Variants in SCNN1B observed in about 807,000 individuals in gnomAD.
SCNN1B encodes sodium channel epithelial 1 subunit beta.
A neutral mutation model predicts 65.3 loss-of-function variants in SCNN1B; 46 were observed. That is an observed-to-expected ratio of 0.70 (90% CI 0.56 to 0.90). The LOEUF (loss-of-function observed/expected upper bound fraction) is 0.90. Among genes scored for constraint, SCNN1B ranks in the 40% least tolerant of loss-of-function variants. The pLI is 0.00. For missense variants in SCNN1B, 751 were observed against 830.5 expected (o/e 0.90, Z 1.18); for synonymous variants, 349 against 330.6 (o/e 1.06, Z -0.60).
intron 1 of SCNN1B, among the ~76,000 whole-genome samples, chr16:23,278,785 A>G (rs1295289502): frequency 6.6e-6 from 1 of 151,902 alleles, no homozygotes; most frequent in Admixed American, 6.6e-5. Flanking sequence ...TACAAAAAAT[A>G]AAAAATTAGC....
In SCNN1B at chr16:23,371,809, C is replaced by T. The variant is rs1308460068; in HGVS notation, c.1078C>T (p.Pro360Ser). The T allele has an allele frequency of 1.2e-6, 2 of 1,614,096 alleles. No homozygotes were observed. Among genetic ancestry groups the T allele is most frequent in the Non-Finnish European group, 1.7e-6 (2 of 1,180,010 alleles). Residue 360 changes from proline (P) to serine (S), a missense_variant, in exon 7 of 13, where the codon CCG becomes TCG. Coordinates refer to ENST00000343070, the MANE Select transcript of SCNN1B (RefSeq NM_000336.3). ...TCAGCGCATGGGGGAGCCCTACAGC[C>T]CGTGCACCGTGAATGGTTCTGAGGT... ...KLQRMGEPYS[P>S]CTVNGSEVPV...
intron 1 of SCNN1B, among the ~76,000 whole-genome samples, chr16:23,318,600 C>T (rs928351070): frequency 6.6e-6 from 1 of 152,204 alleles, no homozygotes; most frequent in African/African-American, 2.4e-5. Flanking sequence ...TAGACTGAGA[C>T]TTCGTCTAAA....
At chr16:23,303,082 G>A (rs908547908) in intron 1 of SCNN1B, among the ~76,000 whole-genome samples, 2 of 152,198 alleles carry the variant, frequency 1.3e-5, no homozygotes, top group Admixed American at 1.3e-4. Flanking sequence ...ACGCCCTGCA[G>A]TTGTCTGCGC....
intron 2 of SCNN1B, among the ~76,000 whole-genome samples, chr16:23,296,990 CAA>C (rs57412418): frequency 2.8e-4 from 23 of 81,842 alleles, no homozygotes; most frequent in South Asian, 8.9e-4. Flanking sequence ...CATCTCAAAA[CAA>C]AAAAAAAAAA....
At chr16:23,300,129 GGA>G (rs1413379652), upstream of SCNN1B, among the ~76,000 whole-genome samples, 2 of 152,124 alleles carry the variant, frequency 1.3e-5, no homozygotes, top group Non-Finnish European at 2.9e-5. Context: ...CTCATAAGTG[GGA>G]GTTGAACAAT....
chr16:23,343,086 T>C (rs1308055696), intron 1 of SCNN1B, among the ~76,000 whole-genome samples: 1 of 152,160 alleles, frequency 6.6e-6, no homozygotes, highest in Non-Finnish European at 1.5e-5. Context: ...AAAAACTAAC[T>C]TCAAATGGTT....
intron 4 of SCNN1B, among the ~76,000 whole-genome samples, chr16:23,363,897 G>T (rs1962599704): frequency 6.6e-6 from 1 of 151,984 alleles, no homozygotes; most frequent in African/African-American, 2.4e-5. Context: ...GCCAGGTGCA[G>T]TGACTCACCC....
intron 1 of SCNN1B, among the ~76,000 whole-genome samples, chr16:23,325,577 A>T (rs548505149): frequency 2.7e-3 from 409 of 151,462 alleles, no homozygotes; most frequent in African/African-American, 9.7e-3. Context: ...TCTTTTTTGA[A>T]TTTTTTTTTA....
intron 2 of SCNN1B, 65 bp from the exon 3 acceptor site, chr16:23,352,736 G>C (rs1962335276): frequency 1.1e-5 from 17 of 1,579,192 alleles, no homozygotes; most frequent in Non-Finnish European, 1.4e-5. Context: ...GTGGGTCCCA[G>C]ATTTCATTTG....
intron 1 of SCNN1B, among the ~76,000 whole-genome samples, chr16:23,307,076 A>T (rs1961234503): frequency 6.6e-6 from 1 of 152,192 alleles, no homozygotes; most frequent in South Asian, 2.1e-4. Flanking sequence ...TCAGTGGTAC[A>T]GCTGGAGTTG....
chr16:23,279,858 AGT>A (rs200310397), intron 1 of SCNN1B, among the ~76,000 whole-genome samples: 144 of 152,268 alleles, frequency 9.5e-4, no homozygotes, highest in African/African-American at 3.2e-3. Context: ...AGCTCTCTCC[AGT>A]GTTTCTGCAG....
At position 23,358,026 on chromosome 16, in the gene SCNN1B, C is replaced by A. The variant is rs773910361; in HGVS notation, c.776+2537C>A. ...GCGAGAGTGGGGCAGGAAAGTGAACCTGCTGTCAACTCCCTACCCATCCAA... is the reference window on the plus strand; with the variant it reads ...GCGAGAGTGGGGCAGGAAAGTGAACATGCTGTCAACTCCCTACCCATCCAA... On this transcript the variant is annotated intron_variant, in intron 4 of 12. Coordinates refer to ENST00000343070, the MANE Select transcript of SCNN1B (RefSeq NM_000336.3). 1.6e-4 allele frequency among the ~76,000 whole-genome samples: 25 copies of A among 152,244 alleles called. 1 individual carries two copies. The highest frequency in any genetic ancestry group is 2.9e-4 in the Non-Finnish European group (20 of 68,046).
chr16:23,379,754 A>G (rs1355854773), intron 11 of SCNN1B, among the ~76,000 whole-genome samples: 2 of 152,164 alleles, frequency 1.3e-5, no homozygotes, highest in Non-Finnish European at 2.9e-5. Flanking sequence ...AGTGTCCTGT[A>G]GGGAACTGGT....
chr16:23,379,295 A>G (rs1962986027), intron 11 of SCNN1B, among the ~76,000 whole-genome samples: 2 of 151,714 alleles, frequency 1.3e-5, no homozygotes, highest in African/African-American at 4.9e-5. Context: ...GTTGAGCACA[A>G]GAAAGACACA....
chr16:23,350,029 G>A (rs778878840), intron 2 of SCNN1B, among the ~76,000 whole-genome samples: 5 of 151,836 alleles, frequency 3.3e-5, no homozygotes, highest in Non-Finnish European at 7.4e-5. Flanking sequence ...AGTGAGCTGA[G>A]ATTGCATCAC....
At position 23,380,099 on chromosome 16, in the gene SCNN1B, G is replaced by A. The variant is rs776860505; in HGVS notation, c.1472G>A (p.Gly491Glu). 2.4e-5 allele frequency: 38 copies of A among 1,613,756 alleles called. No homozygotes were observed. The highest frequency in any genetic ancestry group is 1.4e-5 in the Non-Finnish European group (17 of 1,179,818). Residue 491 changes from glycine to glutamate, a missense_variant, in exon 12 of 13, where the codon GGA (glycine) becomes GAA (glutamate). Transcript: ENST00000343070. The surrounding 1 kb of genome is among the most constrained non-coding windows in gnomAD (Gnocchi z 5.4). ...QSTNITLSRK[G>E]IVKLNIYFQE... Reference sequence around the variant, plus strand: ...CTTCTCGCTGCCTCCTGCAGGAAGGGAATTGTCAAGCTCAACATCTACTTC... The same window carrying A: ...CTTCTCGCTGCCTCCTGCAGGAAGGAAATTGTCAAGCTCAACATCTACTTC...
chr16:23,335,563 TC>T (rs1411588689), intron 1 of SCNN1B, among the ~76,000 whole-genome samples: 2 of 151,972 alleles, frequency 1.3e-5, no homozygotes, highest in Non-Finnish European at 2.9e-5. Context: ...TTCTCCTGCC[TC>T]AGCCTCCCAA....
At chr16:23,299,613 C>G (rs1042590042), upstream of SCNN1B, among the ~76,000 whole-genome samples, 1 of 152,160 alleles carries the variant, frequency 6.6e-6, no homozygotes, top group Non-Finnish European at 1.5e-5. Flanking sequence ...CTGGTCATTA[C>G]AGAAATGCAA....
intron 1 of SCNN1B, 91 bp downstream of exon 1, chr16:23,302,528 C>G (rs1156790408): frequency 3.3e-5 from 5 of 152,518 alleles, no homozygotes; most frequent in Non-Finnish European, 7.3e-5. Context: ...CCCCGGCCCG[C>G]GAGCTCCTGT....
Sources: allele counts gnomAD v4.1 joint callset (sites outside exome capture counted in the v4.1 genomes callset), GRCh38; gene constraint gnomAD v4.1.1; non-coding constraint Gnocchi (gnomAD v3.1); transcripts MANE v1.5; gene names NCBI Gene and HGNC (gene_info 2026-07-23, HGNC 2026-07-21).